Variants in RFTN1 observed in about 807,000 individuals in gnomAD.
RFTN1 encodes raftlin, lipid raft linker 1, also known as raftlin.
Under a neutral mutation model 46.5 loss-of-function variants are expected in RFTN1, and 26 were observed. That is an observed-to-expected ratio of 0.56 (90% CI 0.41 to 0.78). RFTN1 has a LOEUF of 0.78. RFTN1 is among the 30% of genes least tolerant of loss of function. RFTN1 has a pLI of 0.00. For synonymous variants in RFTN1, 261 were observed against 284.2 expected, an observed-to-expected ratio of 0.92 and a Z score of 0.82; for missense variants, 693 against 718.7, an observed-to-expected ratio of 0.96 and a Z score of 0.41.
intron 6 of RFTN1, 135 bp downstream of exon 6, chr3:16,369,941 T>C: frequency 1.2e-6 from 1 of 827,742 alleles, no homozygotes; most frequent in Non-Finnish European, 1.9e-6. Context: ...ATGTGTTAAT[T>C]AGAAATAAAA....
Position 16,467,554 on chromosome 3 carries a change from C to G in RFTN1, c.145+26171G>C, listed in dbSNP as rs561016942. ...AAGCACATGCTGACCCCGGAAGGAG[C>G]CTTCTGTAAGAGAGTGGGCAGGGCC... On this transcript the variant is annotated intron_variant, in intron 2 of 9. Transcript: ENST00000334133. 2.0e-5 allele frequency among the ~76,000 whole-genome samples: 3 copies of G among 152,322 alleles called. No individual in the cohort carries two copies. The South Asian group carries it at 6.2e-4, about 32-fold the overall frequency.
chr3:16,463,574 T>C (rs1293989462), intron 2 of RFTN1, among the ~76,000 whole-genome samples: 1 of 152,242 alleles, frequency 6.6e-6, no homozygotes, highest in Admixed American at 6.5e-5. Flanking sequence ...TTTTCATCTA[T>C]TTTATCCATT....
intron 7 of RFTN1, among the ~76,000 whole-genome samples, chr3:16,357,332 C>T (rs913597329): frequency 2.0e-5 from 3 of 152,180 alleles, no homozygotes; most frequent in Admixed American, 6.5e-5. Context: ...CCCAGCAGAA[C>T]GTGGTTTGAG....
In RFTN1 at chr3:16,381,209, T is replaced by G. The variant is rs1211125703; in HGVS notation, c.442-3107A>C. ...ATACATAAACTATGCATAAAAACAGTCACCAAAATGAAAACAGCACTGTAT... is the reference window on the plus strand; with the variant it reads ...ATACATAAACTATGCATAAAAACAGGCACCAAAATGAAAACAGCACTGTAT... On this transcript the variant is annotated intron_variant, in intron 4 of 9. Transcript: ENST00000334133. The surrounding 1 kb of genome is among the most constrained non-coding windows in gnomAD (Gnocchi z 4.2). Among the ~76,000 whole-genome samples the G allele has an allele frequency of 6.6e-6, 1 of 152,194 alleles. No individual in the cohort carries two copies. The highest frequency in any genetic ancestry group is 1.5e-5 in the Non-Finnish European group (1 of 68,028).
Position 16,329,582 on chromosome 3 carries a change from C to T in RFTN1, c.1147-2706G>A, listed in dbSNP as rs1431903996. On this transcript the variant is annotated intron_variant, in intron 7 of 9. Transcript: ENST00000334133. The surrounding 1 kb of genome is among the most constrained non-coding windows in gnomAD (Gnocchi z 4.5). ...CTTCCAGACCAGCACAGCCCGTATT[C>T]CTCCTGCTGGGTGCCACGCTCACCA... 6.6e-6 allele frequency among the ~76,000 whole-genome samples: 1 copy of T among 152,170 alleles called. No individual in the cohort carries two copies. Among genetic ancestry groups the T allele is most frequent in the Non-Finnish European group, 1.5e-5 (1 of 68,030 alleles).
intron 2 of RFTN1, among the ~76,000 whole-genome samples, chr3:16,470,335 G>A (rs1170600793): frequency 1.3e-5 from 2 of 152,112 alleles, no homozygotes; most frequent in Non-Finnish European, 2.9e-5. Context: ...GATACTGGAG[G>A]GCATCAACAC....
At chr3:16,364,926 G>A (rs1050569864) in intron 6 of RFTN1, among the ~76,000 whole-genome samples, 3 of 152,198 alleles carry the variant, frequency 2.0e-5, no homozygotes, top group Non-Finnish European at 4.4e-5. Flanking sequence ...TAAGTTCTAC[G>A]TCTTGATCTC....
chr3:16,444,742 A>G (rs2075696168), intron 2 of RFTN1, among the ~76,000 whole-genome samples: 1 of 152,256 alleles, frequency 6.6e-6, no homozygotes, highest in South Asian at 2.1e-4. Context: ...CAAATTTGTT[A>G]TTGGTTTTGA....
intron 9 of RFTN1, among the ~76,000 whole-genome samples, chr3:16,319,674 G>C (rs1207936464): frequency 1.3e-5 from 2 of 152,304 alleles, no homozygotes; most frequent in Non-Finnish European, 2.9e-5. Context: ...GTTTCCTGTA[G>C]AAGATCACAT....
rs111849488 is a variant in RFTN1, at chr3:16,324,613, AC to A, written c.1251-1157del. 6.7e-3 allele frequency among the ~76,000 whole-genome samples: 613 copies of A among 90,818 alleles called. 61 individuals carry two copies. Among genetic ancestry groups the A allele is most frequent in the African/African-American group, 0.025 (556 of 22,478 alleles). 59.6% of individuals were successfully genotyped at this position (90,818 alleles called of 152,430 possible). On this transcript the variant is annotated intron_variant, in intron 8 of 9. Transcript: ENST00000334133. ...TGTAATAAATAACAGAATGTCCCTG[AC>A]CCCCCCCCTTTTAAGGTTGCATAGT...
At chr3:16,441,569 C>T (rs77176334) in intron 2 of RFTN1, among the ~76,000 whole-genome samples, 3,163 of 152,310 alleles carry the variant, frequency 0.021, 108 homozygotes, top group African/African-American at 0.072. Context: ...AAAGAAACCA[C>T]CGCATACAGC....
chr3:16,496,053 C>A lies in RFTN1; in HGVS notation c.-8-2176G>T, dbSNP rs532676487. Among the ~76,000 whole-genome samples the A allele has an allele frequency of 9.2e-5, 14 of 152,368 alleles. No individual in the cohort carries two copies. In the East Asian group the frequency reaches 2.7e-3, roughly 29 times the overall value. On this transcript the variant is annotated intron_variant, in intron 1 of 9. Transcript: ENST00000334133. The stretch of plus-strand genomic sequence containing the variant: ...ATGTGGGCTATATTAAGATTTAAAA[C>A]TTCTGTTCCTCAAAACCCACATTAA...
intron 6 of RFTN1, among the ~76,000 whole-genome samples, chr3:16,360,438 T>G (rs115689104): frequency 0.01 from 1,572 of 152,350 alleles, 33 homozygotes; most frequent in African/African-American, 0.037. Flanking sequence ...GAGCCACCGT[T>G]CCAGGCCTCA....
intron 7 of RFTN1, among the ~76,000 whole-genome samples, chr3:16,354,490 C>A (rs1186408974): frequency 6.6e-6 from 1 of 152,210 alleles, no homozygotes; most frequent in Non-Finnish European, 1.5e-5. Context: ...CCCAAGTCAC[C>A]TCCTTTGACA....
chr3:16,369,947 TA>T, intron 6 of RFTN1, 128 bp downstream of exon 6: 1 of 868,118 alleles, frequency 1.2e-6, no homozygotes, highest in Non-Finnish European at 1.8e-6. Flanking sequence ...TAATTAGAAA[TA>T]AAATGCAGCA....
At chr3:16,417,545 C>G (rs1179567633) in intron 3 of RFTN1, among the ~76,000 whole-genome samples, 1 of 152,108 alleles carries the variant, frequency 6.6e-6, no homozygotes, top group East Asian at 1.9e-4. Context: ...TCAGGTTGAC[C>G]TCATTACTCA....
chr3:16,463,410 C>CAGA (rs2076039150), intron 2 of RFTN1, among the ~76,000 whole-genome samples: 1 of 152,110 alleles, frequency 6.6e-6, no homozygotes, highest in Non-Finnish European at 1.5e-5. Flanking sequence ...TTCTATTAAC[C>CAGA]TTTCTTCCAG....
chr3:16,362,319 C>G (rs1271874470), intron 6 of RFTN1, among the ~76,000 whole-genome samples: 1 of 152,204 alleles, frequency 6.6e-6, no homozygotes, highest in African/African-American at 2.4e-5. Context: ...CTCTCATCTG[C>G]TTTGCTGAAA....
intron 8 of RFTN1, among the ~76,000 whole-genome samples, 174 bp from the exon 9 acceptor site, chr3:16,323,631 A>G (rs1184415368): frequency 6.6e-6 from 1 of 152,170 alleles, no homozygotes; most frequent in Non-Finnish European, 1.5e-5. Context: ...CTTGCTTCCG[A>G]GGGGCTATCT....
Sources: gnomAD v4.1 joint callset for allele counts (sites outside exome capture counted in the v4.1 genomes callset) on GRCh38, gnomAD v4.1.1 for gene constraint, Gnocchi (gnomAD v3.1) non-coding constraint, MANE v1.5 for transcripts, NCBI Gene and HGNC (gene_info 2026-07-23, HGNC 2026-07-21) for gene names.